SND1: variants seen among roughly 807,000 people sequenced by gnomAD.
The protein encoded by SND1 is staphylococcal nuclease domain-containing protein 1.
SND1 carries 38 observed loss-of-function variants against 121.7 expected under a neutral mutation model. The observed-to-expected ratio is 0.31, with a 90% CI of 0.24 to 0.41. The LOEUF is 0.41. Among genes scored for constraint, SND1 ranks in the 10% least tolerant of loss-of-function variants. SND1 has a pLI of 1.00. For missense variants in SND1, 868 were observed against 1,184.6 expected (o/e 0.73, Z 3.92); for synonymous variants, 401 against 447.4 (o/e 0.90, Z 1.31).
intron 16 of SND1, among the ~76,000 whole-genome samples, chr7:128,061,925 G>A (rs1465523994): frequency 3.3e-5 from 5 of 152,224 alleles, no homozygotes; most frequent in South Asian, 2.1e-4. Context: ...TAGCACTGGC[G>A]CTGCAGGAGC....
chr7:127,958,389 T>A (rs1453799738), intron 15 of SND1, among the ~76,000 whole-genome samples: 1 of 152,224 alleles, frequency 6.6e-6, no homozygotes, highest in Non-Finnish European at 1.5e-5. Context: ...GGAAACTTTG[T>A]CCAGTCGTCT....
At chr7:127,884,612 A>G (rs561411885) in intron 12 of SND1, among the ~76,000 whole-genome samples, 1 of 152,084 alleles carries the variant, frequency 6.6e-6, no homozygotes, top group African/African-American at 2.4e-5. Context: ...TTCCCTATCT[A>G]ACCTTCCTTC....
chr7:128,060,874 G>A (rs1393660213), intron 16 of SND1, among the ~76,000 whole-genome samples: 1 of 152,180 alleles, frequency 6.6e-6, no homozygotes, highest in African/African-American at 2.4e-5. Flanking sequence ...TGACTTCTGG[G>A]ACATCTTAGC....
chr7:127,711,327 C>A (rs1796293250), intron 9 of SND1, among the ~76,000 whole-genome samples: 1 of 152,208 alleles, frequency 6.6e-6, no homozygotes, highest in Non-Finnish European at 1.5e-5. Context: ...TGAGACCTTT[C>A]ATGTCCATTC....
chr7:127,669,634 T>G (rs1340836102), intron 1 of SND1, among the ~76,000 whole-genome samples: 1 of 152,178 alleles, frequency 6.6e-6, no homozygotes, highest in African/African-American at 2.4e-5. Flanking sequence ...CTCAGTAGAT[T>G]TACCCCAAAG....
At chr7:127,682,065 C>G (rs1195946283) in intron 1 of SND1, among the ~76,000 whole-genome samples, 1 of 152,030 alleles carries the variant, frequency 6.6e-6, no homozygotes, top group East Asian at 1.9e-4. Flanking sequence ...TTTCTTTGCC[C>G]TTAGTATGGC....
intron 13 of SND1, among the ~76,000 whole-genome samples, chr7:127,900,754 T>C (rs1026740957): frequency 3.2e-4 from 49 of 152,172 alleles, no homozygotes; most frequent in African/African-American, 1.2e-3. Context: ...CTCCTTGGCA[T>C]GTGTGTGGAT....
intron 10 of SND1, among the ~76,000 whole-genome samples, chr7:127,787,448 G>T (rs917529553): frequency 6.6e-6 from 1 of 152,158 alleles, no homozygotes; most frequent in Non-Finnish European, 1.5e-5. Context: ...TGTTGCCCAG[G>T]CTGGTCTTGA....
At chr7:127,988,457 G>A (rs1293188847) in intron 15 of SND1, among the ~76,000 whole-genome samples, 2 of 152,196 alleles carry the variant, frequency 1.3e-5, no homozygotes. Context: ...TGTCTACATG[G>A]AGTGACTGGG....
At chr7:127,748,087 C>G (rs1027700327) in intron 10 of SND1, among the ~76,000 whole-genome samples, 1 of 152,168 alleles carries the variant, frequency 6.6e-6, no homozygotes, top group African/African-American at 2.4e-5. Flanking sequence ...TTGTTTCTGG[C>G]CCAGTGGAAA....
intron 8 of SND1, 124 bp from the exon 9 acceptor site, chr7:127,707,433 G>A: frequency 1.5e-6 from 1 of 651,718 alleles, no homozygotes; most frequent in Non-Finnish European, 2.7e-6. Context: ...TGGTTTGACT[G>A]GTAGTCTTTC....
chr7:127,896,396 T>C (rs1209333765), intron 13 of SND1, among the ~76,000 whole-genome samples: 1 of 152,156 alleles, frequency 6.6e-6, no homozygotes, highest in African/African-American at 2.4e-5. Context: ...TTCTTGAATG[T>C]CTTACAACTT....
intron 10 of SND1, among the ~76,000 whole-genome samples, chr7:127,735,342 C>A (rs770006400): frequency 1.1e-4 from 16 of 152,120 alleles, no homozygotes; most frequent in Non-Finnish European, 4.4e-5. Context: ...GTAACACGTG[C>A]TTTCTTATTT....
At chr7:128,010,627 T>C (rs1038336728) in intron 16 of SND1, among the ~76,000 whole-genome samples, 4 of 152,238 alleles carry the variant, frequency 2.6e-5, no homozygotes, top group African/African-American at 7.2e-5. Flanking sequence ...CTGGTGGTTA[T>C]TGTACTCATG....
chr7:128,089,444 GGTT>G (rs1427711147), intron 21 of SND1, 42 bp from the exon 22 acceptor site: 6 of 1,554,662 alleles, frequency 3.9e-6, no homozygotes, highest in Admixed American at 3.5e-5. Context: ...GGGCCCAAGT[GGTT>G]GTTCTCTGGC....
In SND1 at chr7:127,929,176, T is replaced by C; in HGVS notation, c.1528-12T>C. On this transcript the variant is annotated splice_polypyrimidine_tract_variant and intron_variant, in intron 14 of 23. Transcript: ENST00000354725. ...TACTTTCCAGTTACTCTTTTCCTCTTTTCTCCATCAGGATACCCAAAAAGC... is the reference window on the plus strand; with the variant it reads ...TACTTTCCAGTTACTCTTTTCCTCTCTTCTCCATCAGGATACCCAAAAAGC... The C allele has an allele frequency of 6.2e-7, 1 of 1,613,672 alleles. No individual in the cohort carries two copies. Among genetic ancestry groups the C allele is most frequent in the African/African-American group, 1.3e-5 (1 of 75,018 alleles).
intron 16 of SND1, among the ~76,000 whole-genome samples, chr7:128,065,015 T>C (rs1793289392): frequency 6.6e-6 from 1 of 152,194 alleles, no homozygotes. Flanking sequence ...GCTGGCAATG[T>C]GCAGAGTACT....
chr7:127,845,938 G>A (rs547978561), intron 12 of SND1, among the ~76,000 whole-genome samples: 2 of 152,256 alleles, frequency 1.3e-5, no homozygotes, highest in African/African-American at 4.8e-5. Flanking sequence ...ATACTTTACA[G>A]GGCAGAGTGT....
chr7:127,802,482 G>A (rs1042117693), intron 10 of SND1, among the ~76,000 whole-genome samples: 12 of 152,098 alleles, frequency 7.9e-5, no homozygotes, highest in Non-Finnish European at 8.8e-5. Context: ...TTAGTTTGTG[G>A]CATTTGACAC....
Sources: gnomAD v4.1 joint callset for allele counts (sites outside exome capture counted in the v4.1 genomes callset) on GRCh38, gnomAD v4.1.1 for gene constraint, MANE v1.5 for transcripts, NCBI Gene and HGNC (gene_info 2026-07-23, HGNC 2026-07-21) for gene names.